Variants in SLC44A5 observed in about 807,000 individuals in gnomAD.
The protein encoded by SLC44A5 is choline transporter-like protein 5.
A neutral mutation model predicts 101.8 loss-of-function variants in SLC44A5; 57 were observed. The observed-to-expected ratio is 0.56, with a 90% CI of 0.45 to 0.70. The LOEUF is 0.70. SLC44A5 is among the 30% of genes least tolerant of loss of function. SLC44A5 has a pLI of 0.00. For missense variants in SLC44A5, 737 were observed against 853.1 expected (o/e 0.86, Z 1.70); for synonymous variants, 281 against 290.9 (o/e 0.97, Z 0.35).
At chr1:75,550,747 G>T (rs1332874932) in intron 1 of SLC44A5, among the ~76,000 whole-genome samples, 4 of 151,996 alleles carry the variant, frequency 2.6e-5, no homozygotes, top group Admixed American at 6.6e-5. Context: ...TCAGGGAGAA[G>T]GAAGCAGAGA....
At chr1:75,508,697 T>C (rs187789489) in intron 2 of SLC44A5, among the ~76,000 whole-genome samples, 1 of 152,194 alleles carries the variant, frequency 6.6e-6, no homozygotes, top group Admixed American at 6.5e-5. Context: ...ATACAAAAGA[T>C]TCTCAGAGAC....
At chr1:75,438,288 T>C (rs1665001046) in intron 2 of SLC44A5, among the ~76,000 whole-genome samples, 2 of 152,066 alleles carry the variant, frequency 1.3e-5, no homozygotes, top group South Asian at 2.1e-4. Flanking sequence ...GAAAGCCTGA[T>C]TGGAGTGGTT....
chr1:75,651,132 G>T, the SLC44A5 span, among the ~76,000 whole-genome samples: 3 of 152,136 alleles, frequency 2.0e-5, no homozygotes, highest in Non-Finnish European at 2.9e-5. Context: ...TTCCTTGGGA[G>T]CCAAATGTCA....
At chr1:75,648,807 C>CCTTGG in the SLC44A5 span, among the ~76,000 whole-genome samples, 1 of 151,694 alleles carries the variant, frequency 6.6e-6, no homozygotes, top group Non-Finnish European at 1.5e-5. Flanking sequence ...TAAAACTTAA[C>CCTTGG]ATTATGAGCA....
intron 2 of SLC44A5, among the ~76,000 whole-genome samples, chr1:75,503,170 C>T (rs930532659): frequency 6.6e-6 from 1 of 152,212 alleles, no homozygotes; most frequent in Non-Finnish European, 1.5e-5. Context: ...CTCAAATCTT[C>T]TCTCAAGTCA....
At chr1:75,284,688 T>C (rs1189077236) in intron 5 of SLC44A5, among the ~76,000 whole-genome samples, 1 of 152,142 alleles carries the variant, frequency 6.6e-6, no homozygotes, top group Non-Finnish European at 1.5e-5. Flanking sequence ...GTCCCTTATA[T>C]GCCAATTTTG....
At chr1:75,682,539 T>A in the SLC44A5 span, among the ~76,000 whole-genome samples, 8 of 150,864 alleles carry the variant, frequency 5.3e-5, no homozygotes, top group South Asian at 2.1e-4. Flanking sequence ...TGCTGAGAAA[T>A]CTGGCTAGAC....
At chr1:75,346,523 G>A (rs1048051904) in intron 3 of SLC44A5, among the ~76,000 whole-genome samples, 6 of 152,044 alleles carry the variant, frequency 3.9e-5, no homozygotes, top group African/African-American at 1.2e-4. Context: ...CATTTGAAAT[G>A]CACTTTTGAA....
the SLC44A5 span, among the ~76,000 whole-genome samples, chr1:75,679,129 C>T: frequency 6.6e-6 from 1 of 152,164 alleles, no homozygotes. Flanking sequence ...ACCAAATCTA[C>T]ATCTGATTGG....
At chr1:75,218,002 A>G (rs1002001629) in intron 17 of SLC44A5, 42 bp from the exon 18 acceptor site, 2 of 1,274,408 alleles carry the variant, frequency 1.6e-6, no homozygotes, top group Non-Finnish European at 2.3e-6. Flanking sequence ...ACTTAATACT[A>G]TTATTTAAGG....
At chr1:75,570,200 GA>G in intron 1 of SLC44A5, among the ~76,000 whole-genome samples, 1 of 152,276 alleles carries the variant, frequency 6.6e-6, no homozygotes, top group Non-Finnish European at 1.5e-5. Flanking sequence ...TGCTGGCATT[GA>G]AAAATGGGAT....
intron 2 of SLC44A5, among the ~76,000 whole-genome samples, chr1:75,462,196 C>T (rs1228607572): frequency 6.6e-6 from 1 of 152,192 alleles, no homozygotes; most frequent in African/African-American, 2.4e-5. Context: ...AAGATATAAA[C>T]TCTGTTTGTT....
intron 1 of SLC44A5, among the ~76,000 whole-genome samples, chr1:75,607,556 T>C (rs1675395823): frequency 6.6e-6 from 1 of 151,996 alleles, no homozygotes; most frequent in Non-Finnish European, 1.5e-5. Flanking sequence ...ACATCTGACA[T>C]AGTTTGGGCT....
intron 5 of SLC44A5, among the ~76,000 whole-genome samples, chr1:75,280,944 A>G (rs1285713362): frequency 6.6e-6 from 1 of 152,142 alleles, no homozygotes. Context: ...ACAGAATAAT[A>G]CAATAAATTG....
At chr1:75,339,782 G>A in intron 3 of SLC44A5, 152 bp from the exon 4 acceptor site, 1 of 581,228 alleles carries the variant, frequency 1.7e-6, no homozygotes, top group Admixed American at 3.3e-5. Context: ...GTATGTCTTG[G>A]TTACAGTTGT....
intron 4 of SLC44A5, among the ~76,000 whole-genome samples, chr1:75,309,853 G>A (rs1655170867): frequency 6.6e-6 from 1 of 152,162 alleles, no homozygotes; most frequent in Non-Finnish European, 1.5e-5. Context: ...TCAGCAAAAT[G>A]GGAAACTCCA....
At chr1:75,327,115 C>T (rs1241855827) in intron 4 of SLC44A5, among the ~76,000 whole-genome samples, 1 of 151,122 alleles carries the variant, frequency 6.6e-6, no homozygotes, top group Non-Finnish European at 1.5e-5. Context: ...TGATAGTAAG[C>T]ATCCTATGAT....
At chr1:75,430,607 A>T (rs148590245) in intron 2 of SLC44A5, among the ~76,000 whole-genome samples, 31 of 152,306 alleles carry the variant, frequency 2.0e-4, no homozygotes, top group African/African-American at 6.7e-4. Flanking sequence ...CTTAGACTTT[A>T]TCATATAGGT....
chr1:75,422,813 C>T (rs760052111), intron 2 of SLC44A5, among the ~76,000 whole-genome samples: 7 of 152,278 alleles, frequency 4.6e-5, no homozygotes, highest in Middle Eastern at 3.4e-3. Flanking sequence ...AATGGCCAAA[C>T]TGGAACTTGG....
Sources: allele counts gnomAD v4.1 joint callset (sites outside exome capture counted in the v4.1 genomes callset), GRCh38; gene constraint gnomAD v4.1.1; transcripts MANE v1.5; gene names NCBI Gene and HGNC (gene_info 2026-07-23, HGNC 2026-07-21).